Variants in RBPJ observed in about 807,000 individuals in gnomAD.
The protein encoded by RBPJ is recombining binding protein suppressor of hairless.
In RBPJ, 9 loss-of-function variants were observed where a neutral mutation model predicts 67.8. The ratio of observed to expected loss-of-function variants is 0.13; its 90% confidence interval spans 0.08 to 0.23. The LOEUF (loss-of-function observed/expected upper bound fraction) is 0.23. Ranked by LOEUF, RBPJ falls within the 10% of genes least tolerant of loss-of-function variation. The pLI is 1.00. For synonymous variants in RBPJ, 198 were observed against 203.3 expected (o/e 0.97, Z 0.22); for missense variants, 305 against 595.6 (o/e 0.51, Z 5.08).
In RBPJ at chr4:26,428,871, A is replaced by G; in HGVS notation, c.888+11A>G. On this transcript the variant is annotated intron_variant, in intron 8 of 10. Coordinates refer to ENST00000355476, the MANE Select transcript of RBPJ (RefSeq NM_015874.6). Reference sequence around the variant, plus strand: ...ATAATTCAATTTCAGGTATGTTTTTAAATTACTGGTGAAATCTAAAATGTA... The same window carrying G: ...ATAATTCAATTTCAGGTATGTTTTTGAATTACTGGTGAAATCTAAAATGTA... 6.3e-7 allele frequency: 1 copy of G among 1,590,350 alleles called. No individual in the cohort carries two copies. The highest frequency in any genetic ancestry group is 1.1e-5 in the South Asian group (1 of 90,098).
chr4:26,410,808 T>G (rs534022350), intron 3 of RBPJ, among the ~76,000 whole-genome samples: 1 of 152,322 alleles, frequency 6.6e-6, no homozygotes, highest in African/African-American at 2.4e-5. Context: ...ATCTCAAGAT[T>G]TGAGGAAATC....
At chr4:26,267,177 A>T (rs563879820) in intron 1 of RBPJ, among the ~76,000 whole-genome samples, 1 of 152,270 alleles carries the variant, frequency 6.6e-6, no homozygotes, top group East Asian at 1.9e-4. Context: ...CAAGCTGTAA[A>T]ATATGAGAGG....
At chr4:26,343,895 C>T (rs1305450006) in intron 1 of RBPJ, among the ~76,000 whole-genome samples, 11 of 151,706 alleles carry the variant, frequency 7.3e-5, no homozygotes, top group East Asian at 1.9e-4. Flanking sequence ...GGATTACAGG[C>T]GCCCGCCACC....
intron 1 of RBPJ, among the ~76,000 whole-genome samples, chr4:26,194,244 G>A (rs1717672134): frequency 2.0e-5 from 3 of 152,136 alleles, no homozygotes; most frequent in Admixed American, 1.3e-4. Flanking sequence ...CTTTCCCATT[G>A]GATAGTTGAC....
At chr4:26,256,746 C>A (rs1483471432) in intron 1 of RBPJ, among the ~76,000 whole-genome samples, 1 of 152,164 alleles carries the variant, frequency 6.6e-6, no homozygotes, top group East Asian at 1.9e-4. Context: ...ACTTACAAAT[C>A]GAGTTTGCAA....
At chr4:26,327,702 C>T (rs1046086431) in intron 1 of RBPJ, among the ~76,000 whole-genome samples, 7 of 151,762 alleles carry the variant, frequency 4.6e-5, no homozygotes, top group East Asian at 1.9e-4. Flanking sequence ...TAATGTTGGG[C>T]GCAGTAGTAG....
intron 1 of RBPJ, among the ~76,000 whole-genome samples, chr4:26,226,134 G>A (rs1469113599): frequency 6.8e-6 from 1 of 146,206 alleles, no homozygotes; most frequent in East Asian, 2.0e-4. Context: ...GGGTGACAGA[G>A]CGAGACTCTG....
chr4:26,335,427 G>A (rs939757430), intron 1 of RBPJ, among the ~76,000 whole-genome samples: 4 of 151,840 alleles, frequency 2.6e-5, no homozygotes, highest in South Asian at 2.1e-4. Flanking sequence ...TGATCCACCC[G>A]CCTTGGCCTC....
In RBPJ at chr4:26,345,135, A is replaced by G. The variant is rs73809421; in HGVS notation, c.20+24087A>G. On this transcript the variant is annotated intron_variant, in intron 1 of 10. Coordinates refer to ENST00000355476, the MANE Select transcript of RBPJ (RefSeq NM_015874.6). ...TTTTTGTGAATCGTAGTTATTATTC[A>G]TAGTCACTTTATAAGAGATATAAAG... 6.3e-3 allele frequency among the ~76,000 whole-genome samples: 963 copies of G among 152,324 alleles called. 10 individuals carry two copies. The highest frequency in any genetic ancestry group is 0.022 in the African/African-American group (921 of 41,562).
At chr4:26,155,852 ATT>A in the RBPJ span, among the ~76,000 whole-genome samples, 1 of 152,190 alleles carries the variant, frequency 6.6e-6, no homozygotes, top group Non-Finnish European at 1.5e-5. Context: ...TCATTTCACT[ATT>A]GGCAGTTTGA....
At chr4:26,305,154 A>C (rs569619606) in intron 1 of RBPJ, among the ~76,000 whole-genome samples, 1 of 152,316 alleles carries the variant, frequency 6.6e-6, no homozygotes, top group African/African-American at 2.4e-5. Flanking sequence ...CCTAAATGTG[A>C]GGGCTTATTT....
At chr4:26,146,302 G>C in the RBPJ span, among the ~76,000 whole-genome samples, 3 of 152,172 alleles carry the variant, frequency 2.0e-5, no homozygotes, top group Non-Finnish European at 2.9e-5. Context: ...GAAAAGAGAG[G>C]CTTTTTAACA....
chr4:26,321,079 C>G, intron 1 of RBPJ, 31 bp downstream of exon 1: 1 of 1,558,548 alleles, frequency 6.4e-7, no homozygotes, highest in South Asian at 1.1e-5. Context: ...GCGCCGGGAA[C>G]CGGGAAAGTT....
At chr4:26,141,869 C>G in the RBPJ span, among the ~76,000 whole-genome samples, 40 of 152,194 alleles carry the variant, frequency 2.6e-4, no homozygotes, top group Non-Finnish European at 5.1e-4. Context: ...TCTCTTCTTG[C>G]CTTCAGAGCC....
At chr4:26,328,112 C>CTT (rs980943251) in intron 1 of RBPJ, among the ~76,000 whole-genome samples, 1 of 142,458 alleles carries the variant, frequency 7.0e-6, no homozygotes, top group African/African-American at 2.6e-5. Flanking sequence ...TTTTTCACAT[C>CTT]TTTTTTTTTT....
At chr4:26,328,720 C>G (rs1370238342) in intron 1 of RBPJ, among the ~76,000 whole-genome samples, 1 of 152,144 alleles carries the variant, frequency 6.6e-6, no homozygotes, top group Non-Finnish European at 1.5e-5. Context: ...CCTCAACCTC[C>G]TGGGCTCAAG....
intron 1 of RBPJ, among the ~76,000 whole-genome samples, chr4:26,179,345 A>C (rs1245130039): frequency 1.3e-5 from 2 of 149,390 alleles, no homozygotes; most frequent in African/African-American, 5.0e-5. Flanking sequence ...CAGATTCCCC[A>C]AAGAGTTACT....
At chr4:26,162,493 A>T (rs549050268), upstream of RBPJ, among the ~76,000 whole-genome samples, 11 of 152,336 alleles carry the variant, frequency 7.2e-5, no homozygotes, top group Admixed American at 1.3e-4. Context: ...GATGCATTCA[A>T]TGTTACTTTA....
intron 1 of RBPJ, among the ~76,000 whole-genome samples, chr4:26,262,330 C>T (rs184622103): frequency 2.6e-5 from 4 of 152,358 alleles, no homozygotes; most frequent in Non-Finnish European, 5.9e-5. Context: ...CCACCTCAGC[C>T]TCCTGAGTAG....
Sources: allele counts gnomAD v4.1 joint callset (sites outside exome capture counted in the v4.1 genomes callset), GRCh38; gene constraint gnomAD v4.1.1; transcripts MANE v1.5; gene names NCBI Gene and HGNC (gene_info 2026-07-23, HGNC 2026-07-21).